Variants in SHFL observed in about 807,000 individuals in gnomAD.
SHFL encodes shiftless antiviral inhibitor of ribosomal frameshifting protein.
Under a neutral mutation model 34.7 loss-of-function variants are expected in SHFL, and 12 were observed. The observed-to-expected ratio is 0.35, with a 90% CI of 0.22 to 0.56. SHFL has a LOEUF of 0.56. Among genes scored for constraint, SHFL ranks in the 20% least tolerant of loss-of-function variants. SHFL has a pLI of 0.88. For synonymous variants in SHFL, 148 were observed against 156.0 expected, an observed-to-expected ratio of 0.95 and a Z score of 0.38; for missense variants, 278 against 411.1, an observed-to-expected ratio of 0.68 and a Z score of 2.80.
At chr19:10,089,598 A>G in intron 3 of SHFL, 59 bp from the exon 4 acceptor site, 1 of 1,557,282 alleles carries the variant, frequency 6.4e-7, no homozygotes, top group Admixed American at 1.9e-5. Context: ...CCCCCAGCAA[A>G]CGGGTGGAAA....
chr19:10,091,433 C>G lies in SHFL; in HGVS notation c.489-43C>G. On this transcript the variant is annotated intron_variant, in intron 6 of 7. Coordinates refer to ENST00000253110, the MANE Select transcript of SHFL (RefSeq NM_018381.4). This position sits in a 1 kb window ranked among gnomAD's most constrained non-coding sequence, Gnocchi z 8.2. Reference sequence around the variant, plus strand: ...CCTCCCTGCCCTGGCCCCACCCTGGCCCAGCCTCGCCCTCGGACCCTCACA... The same window carrying G: ...CCTCCCTGCCCTGGCCCCACCCTGGGCCAGCCTCGCCCTCGGACCCTCACA... 6.9e-7 allele frequency: 1 copy of G among 1,448,158 alleles called. No homozygotes were observed. The highest frequency in any genetic ancestry group is 1.2e-5 in the South Asian group (1 of 83,372). 89.7% of individuals were successfully genotyped at this position (1,448,158 alleles called of 1,614,324 possible).
At chr19:10,090,201 C>T in intron 5 of SHFL, 154 bp downstream of exon 5, 1 of 835,014 alleles carries the variant, frequency 1.2e-6, no homozygotes, top group South Asian at 1.7e-5. Context: ...TCTCTGATCC[C>T]AACCCCTGAC....
chr19:10,089,579 C>A, intron 3 of SHFL, 78 bp from the exon 4 acceptor site: 1 of 1,531,874 alleles, frequency 6.5e-7, no homozygotes, highest in Non-Finnish European at 8.9e-7. Flanking sequence ...TCATTGCGGC[C>A]GGGGGCCTCC....
chr19:10,087,343 G>A lies in SHFL; in HGVS notation c.195+43G>A, dbSNP rs760288054. On this transcript the variant is annotated intron_variant, in intron 3 of 7. Coordinates refer to ENST00000253110, the MANE Select transcript of SHFL (RefSeq NM_018381.4). ...CTCGCAAAGGACCGGGTCACGGGAG[G>A]GAGAGCAAGAGGGGGGACCCGACCC... 4 of 1,612,286 alleles carry A rather than the reference G, an allele frequency of 2.5e-6. No homozygotes were observed. In the South Asian group the frequency reaches 3.3e-5, roughly 13 times the overall value.
chr19:10,086,578 G>A lies in SHFL; in HGVS notation c.21+130G>A, dbSNP rs2088287836. 5.4e-6 allele frequency: 5 copies of A among 918,518 alleles called. No homozygotes were observed. The highest frequency in any genetic ancestry group is 6.0e-6 in the Non-Finnish European group (4 of 666,564). 56.9% of individuals were successfully genotyped at this position (918,518 alleles called of 1,614,324 possible). ...AACCCCAGATCCTTACCCCTGCCTG[G>A]CGCTCGCCCCCCTTGAAAAGGAAAG... On this transcript the variant is annotated intron_variant, in intron 1 of 7. Transcript: ENST00000253110. The surrounding 1 kb of genome is among the most constrained non-coding windows in gnomAD (Gnocchi z 5.2).
Position 10,091,209 on chromosome 19 carries a change from C to G in SHFL, c.385-41C>G. 1 of 1,571,052 alleles carries G rather than the reference C, an allele frequency of 6.4e-7. No individual in the cohort carries two copies. The highest frequency in any genetic ancestry group is 8.7e-7 in the Non-Finnish European group (1 of 1,145,534). ...CCCAACCTCAGACACCTCTGACAATCCTTGGTCCCCTCTCTGTACCTTCCT... is the reference window on the plus strand; with the variant it reads ...CCCAACCTCAGACACCTCTGACAATGCTTGGTCCCCTCTCTGTACCTTCCT... On this transcript the variant is annotated intron_variant, in intron 5 of 7. Transcript: ENST00000253110. The surrounding 1 kb of genome is among the most constrained non-coding windows in gnomAD (Gnocchi z 8.2).
At chr19:10,090,253 C>A in intron 5 of SHFL, 1 of 602,716 alleles carries the variant, frequency 1.7e-6, no homozygotes, top group African/African-American at 1.9e-5. Flanking sequence ...AAGCCCAATA[C>A]CTCCTTACCC....
Position 10,092,617 on chromosome 19 carries a change from G to A in SHFL, c.*315G>A. 6.2e-7 allele frequency: 1 copy of A among 1,610,810 alleles called. No homozygotes were observed. The highest frequency in any genetic ancestry group is 8.5e-7 in the Non-Finnish European group (1 of 1,177,412). On this transcript the variant is annotated 3_prime_UTR_variant, in exon 8 of 8. Coordinates refer to ENST00000253110, the MANE Select transcript of SHFL (RefSeq NM_018381.4). The stretch of plus-strand genomic sequence containing the variant: ...CAGCTTCAGGGGCCGAATGAGCATG[G>A]CGGCCTTCCTGAGAGAATATGCCCC...
intron 2 of SHFL, 88 bp from the exon 3 acceptor site, chr19:10,087,163 G>A (rs1420361709): frequency 2.2e-5 from 35 of 1,599,152 alleles, no homozygotes; most frequent in Non-Finnish European, 3.0e-5. Flanking sequence ...TCCCAGCCTT[G>A]GGGAGGCTCT....
In SHFL at chr19:10,093,242, T is replaced by C; in HGVS notation, c.*940T>C. On this transcript the variant is annotated 3_prime_UTR_variant, in exon 8 of 8. Coordinates refer to ENST00000253110, the MANE Select transcript of SHFL (RefSeq NM_018381.4). ...GACGGAATAAAAGCTTGCTTATCCTTATACTTACCAGAGGGGCGTCTTACC... is the reference window on the plus strand; with the variant it reads ...GACGGAATAAAAGCTTGCTTATCCTCATACTTACCAGAGGGGCGTCTTACC... 7.1e-7 allele frequency: 1 copy of C among 1,407,536 alleles called. No individual in the cohort carries two copies. Among genetic ancestry groups the C allele is most frequent in the Non-Finnish European group, 9.7e-7 (1 of 1,032,814 alleles). 87.2% of individuals were successfully genotyped at this position (1,407,536 alleles called of 1,614,324 possible).
intron 3 of SHFL, chr19:10,087,561 A>G: frequency 3.6e-6 from 2 of 556,490 alleles, no homozygotes; most frequent in Admixed American, 3.4e-5. Context: ...GAAAGGAGCC[A>G]GGATTATTGC....
chr19:10,089,464 G>C, intron 3 of SHFL, 193 bp from the exon 4 acceptor site: 1 of 1,488,796 alleles, frequency 6.7e-7, no homozygotes, highest in African/African-American at 1.4e-5. Context: ...GGTAACAGGT[G>C]TGCCCACCTC....
In SHFL at chr19:10,092,603, G is replaced by A. The variant is rs1451367920; in HGVS notation, c.*301G>A. 3 of 1,607,034 alleles carry A rather than the reference G, an allele frequency of 1.9e-6. No homozygotes were observed. Among genetic ancestry groups the A allele is most frequent in the East Asian group, 2.2e-5 (1 of 44,694 alleles). Reference sequence around the variant, plus strand: ...GGAACACAGAGTCACAGCTTCAGGGGCCGAATGAGCATGGCGGCCTTCCTG... The same window carrying A: ...GGAACACAGAGTCACAGCTTCAGGGACCGAATGAGCATGGCGGCCTTCCTG... On this transcript the variant is annotated 3_prime_UTR_variant, in exon 8 of 8. Coordinates refer to ENST00000253110, the MANE Select transcript of SHFL (RefSeq NM_018381.4).
At position 10,086,493 on chromosome 19, in the gene SHFL, C is replaced by G; in HGVS notation, c.21+45C>G. 1 of 1,343,714 alleles carries G rather than the reference C, an allele frequency of 7.4e-7. No homozygotes were observed. Among genetic ancestry groups the G allele is most frequent in the Non-Finnish European group, 9.6e-7 (1 of 1,041,080 alleles). The allele number at this position is 1,343,714 out of a possible 1,614,324, so 83.2% of individuals were successfully genotyped here. A position where few individuals can be genotyped will look rare whatever the true frequency, so the allele number is the denominator to read the frequency against. ...GGGCCGGGGTCAGCCGCGACAGACC[C>G]CGAGGAGCGGCCGGGAGGCGCGGAG... is the stretch of plus-strand genomic sequence containing the variant. On this transcript the variant is annotated intron_variant, in intron 1 of 7. Coordinates refer to ENST00000253110, the MANE Select transcript of SHFL (RefSeq NM_018381.4). The surrounding 1 kb of genome is among the most constrained non-coding windows in gnomAD (Gnocchi z 5.2).
In SHFL at chr19:10,092,170, C is replaced by T. The variant is rs756315727; in HGVS notation, c.744C>T (p.Gly248=). Reference sequence around the variant, plus strand: ...CCAGCAACCCTCACATTAGCAGTGGCTCCACTGTGGCCACCTGCTTGAGCC... The same window carrying T: ...CCAGCAACCCTCACATTAGCAGTGGTTCCACTGTGGCCACCTGCTTGAGCC... ...LHPSNPHISS[G]STVATCLSQG... The change falls in exon 8 of 8, where the codon GGC becomes GGT. Residue 248 remains glycine, a synonymous_variant. Coordinates refer to ENST00000253110, the MANE Select transcript of SHFL (RefSeq NM_018381.4). 17 of 1,613,806 alleles carry T rather than the reference C, an allele frequency of 1.1e-5. No homozygotes were observed. Among genetic ancestry groups the T allele is most frequent in the Admixed American group, 6.7e-5 (4 of 59,964 alleles).
intron 3 of SHFL, chr19:10,089,202 C>T: frequency 9.2e-7 from 1 of 1,090,610 alleles, no homozygotes; most frequent in East Asian, 2.6e-5. Context: ...TGGGCTCTAA[C>T]ATGCCTGTCA....
Position 10,087,497 on chromosome 19 carries a change from C to T in SHFL, c.195+197C>T, listed in dbSNP as rs1268471108. Reference sequence around the variant, plus strand: ...CCAGGGAGCCTGCAAACAGTAGGCGCTCATTATGTGCTGATTGTATTCAAT... The same window carrying T: ...CCAGGGAGCCTGCAAACAGTAGGCGTTCATTATGTGCTGATTGTATTCAAT... On this transcript the variant is annotated intron_variant, in intron 3 of 7. Transcript: ENST00000253110. The T allele has an allele frequency of 2.1e-5, 13 of 619,182 alleles. No homozygotes were observed. In the East Asian group the frequency reaches 3.6e-4, roughly 17 times the overall value. 38.4% of individuals were successfully genotyped at this position (619,182 alleles called of 1,614,324 possible).
rs183877580 is a variant in SHFL at position 10,089,550 on chromosome 19, C to T, written c.196-107C>T. On this transcript the variant is annotated intron_variant, in intron 3 of 7. Coordinates refer to ENST00000253110, the MANE Select transcript of SHFL (RefSeq NM_018381.4). The stretch of plus-strand genomic sequence containing the variant: ...TGAGTGGTGCTCTGTGAGCTTCTGG[C>T]GAGTTAGGGGCACCCTACTCATTGC... 142 of 1,445,964 alleles carry T rather than the reference C, an allele frequency of 9.8e-5. 1 individual carries two copies. Among genetic ancestry groups the T allele is most frequent in the South Asian group, 4.3e-4 (35 of 81,806 alleles). 89.6% of individuals were successfully genotyped at this position (1,445,964 alleles called of 1,614,324 possible). A position where few individuals can be genotyped will look rare whatever the true frequency, so the allele number is the denominator to read the frequency against.
Position 10,086,903 on chromosome 19 carries a change from C to T in SHFL, c.22-26C>T, listed in dbSNP as rs748078962. On this transcript the variant is annotated intron_variant, in intron 1 of 7. Coordinates refer to ENST00000253110, the MANE Select transcript of SHFL (RefSeq NM_018381.4). The surrounding 1 kb of genome is among the most constrained non-coding windows in gnomAD (Gnocchi z 5.2). ...GATGATCCCGTTTCCCCTTCCCCCA[C>T]CGGAACCCCCCTGTCTCCATCCCAG... 11 of 1,612,416 alleles carry T rather than the reference C, an allele frequency of 6.8e-6. No individual in the cohort carries two copies. The highest frequency in any genetic ancestry group is 5.0e-5 in the Admixed American group (3 of 59,884).
Sources: allele counts gnomAD v4.1 joint callset, GRCh38; gene constraint gnomAD v4.1.1; non-coding constraint Gnocchi (gnomAD v3.1); transcripts MANE v1.5; gene names NCBI Gene and HGNC (gene_info 2026-07-23, HGNC 2026-07-21).